Variants in KIAA1328 observed in about 807,000 individuals in gnomAD.
KIAA1328 encodes the protein protein hinderin.
A neutral mutation model predicts 68.1 loss-of-function variants in KIAA1328; 52 were observed. The observed-to-expected ratio is 0.76, with a 90% CI of 0.61 to 0.96. KIAA1328 has a LOEUF of 0.96. Among genes scored for constraint, KIAA1328 ranks in the 40% least tolerant of loss-of-function variants. The pLI, the probability that KIAA1328 is intolerant of heterozygous loss-of-function variation, is 0.00. For synonymous variants in KIAA1328, 232 were observed against 239.4 expected (o/e 0.97, Z 0.28); for missense variants, 641 against 677.6 (o/e 0.95, Z 0.60).
At chr18:36,929,882 A>G (rs1412277564) in intron 5 of KIAA1328, among the ~76,000 whole-genome samples, 1 of 152,046 alleles carries the variant, frequency 6.6e-6, no homozygotes, top group Non-Finnish European at 1.5e-5. Context: ...GGTCTATGGT[A>G]GTTTGTTGTA....
chr18:36,955,001 T>C (rs1244503451), intron 5 of KIAA1328, among the ~76,000 whole-genome samples: 1 of 152,104 alleles, frequency 6.6e-6, no homozygotes, highest in African/African-American at 2.4e-5. Context: ...TTATCCATCC[T>C]TTCTTCTCCT....
intron 9 of KIAA1328, among the ~76,000 whole-genome samples, chr18:37,207,437 T>C (rs1294867838): frequency 1.3e-5 from 2 of 152,230 alleles, no homozygotes; most frequent in African/African-American, 2.4e-5. Context: ...TTTTGAAGCT[T>C]GATTTCCCAT....
At chr18:37,145,667 T>C (rs1320032282) in intron 7 of KIAA1328, among the ~76,000 whole-genome samples, 1 of 152,222 alleles carries the variant, frequency 6.6e-6, no homozygotes, top group Non-Finnish European at 1.5e-5. Flanking sequence ...GATTATTATG[T>C]CTACCTGATT....
At chr18:37,128,335 G>A (rs2151949333) in intron 7 of KIAA1328, among the ~76,000 whole-genome samples, 1 of 152,260 alleles carries the variant, frequency 6.6e-6, no homozygotes, top group Non-Finnish European at 1.5e-5. Flanking sequence ...TTAGCTGGGT[G>A]TGGTGGTGCA....
chr18:36,933,744 G>C (rs1405996660), intron 5 of KIAA1328, among the ~76,000 whole-genome samples: 1 of 152,222 alleles, frequency 6.6e-6, no homozygotes, highest in Non-Finnish European at 1.5e-5. Flanking sequence ...AAAGCATCCA[G>C]GCTGGGCAGG....
Position 36,850,782 on chromosome 18 carries a change from A to G in KIAA1328, c.332+6480A>G, listed in dbSNP as rs536549238. Among the ~76,000 whole-genome samples the G allele has an allele frequency of 4.6e-5, 7 of 152,296 alleles. No individual in the cohort carries two copies. The South Asian group carries it at 1.0e-3, about 23-fold the overall frequency. Reference sequence around the variant, plus strand: ...ATGATTCATGTCCCAGGCAGGACTGAGTTGAACTGCACCAGCATTCATTAT... The same window carrying G: ...ATGATTCATGTCCCAGGCAGGACTGGGTTGAACTGCACCAGCATTCATTAT... On this transcript the variant is annotated intron_variant, in intron 4 of 9. Transcript: ENST00000280020.
intron 7 of KIAA1328, among the ~76,000 whole-genome samples, chr18:37,072,582 A>G (rs1056042417): frequency 2.6e-5 from 4 of 151,874 alleles, no homozygotes; most frequent in African/African-American, 7.2e-5. Context: ...TACTTTTTGA[A>G]CCCCATGCCC....
intron 6 of KIAA1328, among the ~76,000 whole-genome samples, chr18:37,052,946 C>T (rs1259607999): frequency 6.6e-6 from 1 of 152,096 alleles, no homozygotes; most frequent in Non-Finnish European, 1.5e-5. Context: ...TCAGTGCAAA[C>T]CCTATCAAGT....
intron 5 of KIAA1328, among the ~76,000 whole-genome samples, chr18:36,948,508 C>T (rs2051001653): frequency 6.6e-6 from 1 of 151,382 alleles, no homozygotes; most frequent in African/African-American, 2.4e-5. Context: ...GATCCTCCCA[C>T]CTCGGCCTCC....
intron 7 of KIAA1328, among the ~76,000 whole-genome samples, chr18:37,134,518 A>C (rs2058598984): frequency 1.3e-5 from 2 of 152,150 alleles, no homozygotes; most frequent in Non-Finnish European, 2.9e-5. Flanking sequence ...TATTTTTGCA[A>C]ATCTTTTTAA....
chr18:36,861,073 A>G (rs2047550753), intron 4 of KIAA1328, among the ~76,000 whole-genome samples: 1 of 152,150 alleles, frequency 6.6e-6, no homozygotes, highest in Admixed American at 6.5e-5. Flanking sequence ...TTTTGTAAAC[A>G]AATATGTTCT....
intron 6 of KIAA1328, among the ~76,000 whole-genome samples, chr18:37,026,680 A>T (rs1340882485): frequency 6.6e-6 from 1 of 152,200 alleles, no homozygotes; most frequent in African/African-American, 2.4e-5. Context: ...ACAGCCCTTC[A>T]TGCTAAAACC....
At chr18:37,100,208 G>A (rs755637963) in intron 7 of KIAA1328, among the ~76,000 whole-genome samples, 4 of 152,300 alleles carry the variant, frequency 2.6e-5, no homozygotes, top group Admixed American at 6.5e-5. Flanking sequence ...AGTGTGAGCC[G>A]AAGCAGGGCA....
intron 8 of KIAA1328, among the ~76,000 whole-genome samples, chr18:37,166,120 C>T (rs983422634): frequency 4.0e-5 from 6 of 149,606 alleles, no homozygotes; most frequent in African/African-American, 1.2e-4. Context: ...CAGGAAACAT[C>T]AGTGGAAATG....
chr18:36,920,970 G>A (rs2049898120), intron 5 of KIAA1328: 1 of 152,176 alleles, frequency 6.6e-6, no homozygotes, highest in Non-Finnish European at 1.5e-5. Flanking sequence ...AAGACCACCA[G>A]GTTCCGTTAG....
chr18:36,940,141 C>T (rs958501098), intron 5 of KIAA1328, among the ~76,000 whole-genome samples: 6 of 152,162 alleles, frequency 3.9e-5, no homozygotes, highest in Admixed American at 3.9e-4. Flanking sequence ...AGAAAAGCTG[C>T]TTTTCTTGAC....
At chr18:36,977,895 T>C (rs8097199) in intron 6 of KIAA1328, among the ~76,000 whole-genome samples, 33,530 of 151,904 alleles carry the variant, frequency 0.22, 4,384 homozygotes, top group Non-Finnish European at 0.3. Flanking sequence ...GAGATTCTCA[T>C]GTCTCAGCCT....
intron 9 of KIAA1328, among the ~76,000 whole-genome samples, chr18:37,194,516 A>G (rs2059966511): frequency 6.6e-6 from 1 of 152,166 alleles, no homozygotes; most frequent in Non-Finnish European, 1.5e-5. Context: ...TAGTCTTTTA[A>G]CATAGGTTGT....
intron 6 of KIAA1328, among the ~76,000 whole-genome samples, chr18:36,965,915 CAAAA>C (rs1355288401): frequency 7.4e-6 from 1 of 136,050 alleles, no homozygotes; most frequent in Non-Finnish European, 1.6e-5. Flanking sequence ...TTCTAATTGA[CAAAA>C]AAAAAAACCA....
Sources: allele counts gnomAD v4.1 joint callset (sites outside exome capture counted in the v4.1 genomes callset), GRCh38; gene constraint gnomAD v4.1.1; transcripts MANE v1.5; gene names NCBI Gene and HGNC (gene_info 2026-07-23, HGNC 2026-07-21).